Variants in MGAT4C observed in about 807,000 individuals in gnomAD.
MGAT4C encodes the protein MGAT4 family member C.
A neutral mutation model predicts 40.1 loss-of-function variants in MGAT4C; 19 were observed. That is an observed-to-expected ratio of 0.47 (90% CI 0.33 to 0.70). The LOEUF (loss-of-function observed/expected upper bound fraction) is 0.70. MGAT4C is among the 30% of genes least tolerant of loss of function. MGAT4C has a pLI of 0.02. For synonymous variants in MGAT4C, 181 were observed against 187.1 expected, an observed-to-expected ratio of 0.97 and a Z score of 0.27; for missense variants, 491 against 563.2, an observed-to-expected ratio of 0.87 and a Z score of 1.30.
At position 86,358,826 on chromosome 12, in the gene MGAT4C, G is replaced by A. The variant is rs183036486; in HGVS notation, c.-119-24699C>T. On this transcript the variant is annotated intron_variant, in intron 3 of 7. Coordinates refer to the MGAT4C transcript ENST00000548651. ...ATACAGGAGCACCCAGATTCATAAA[G>A]CAAGTCCTTAGAGACCTACAAAGAG... 6.6e-4 allele frequency among the ~76,000 whole-genome samples: 100 copies of A among 152,248 alleles called. 2 individuals are homozygous for A. The East Asian group carries it at 0.017, about 26-fold the overall frequency.
At chr12:86,380,783 G>C (rs1330060348) in intron 3 of MGAT4C, among the ~76,000 whole-genome samples, 1 of 152,056 alleles carries the variant, frequency 6.6e-6, no homozygotes, top group Admixed American at 6.6e-5. Flanking sequence ...CAAGGAGATT[G>C]GCTAACAATC....
At chr12:86,039,366 T>C (rs1891579163) in intron 2 of MGAT4C, among the ~76,000 whole-genome samples, 1 of 152,222 alleles carries the variant, frequency 6.6e-6, no homozygotes, top group Non-Finnish European at 1.5e-5. Context: ...CTATCAAATG[T>C]AGATTTGGTC....
intron 1 of MGAT4C, among the ~76,000 whole-genome samples, chr12:86,144,736 CTTTA>C (rs1469986198): frequency 6.6e-6 from 1 of 152,074 alleles, no homozygotes; most frequent in Non-Finnish European, 1.5e-5. Context: ...TTACAAGAGA[CTTTA>C]TGTTTTAATT....
chr12:86,445,335 G>C (rs1957314462), intron 2 of MGAT4C, among the ~76,000 whole-genome samples: 1 of 152,110 alleles, frequency 6.6e-6, no homozygotes, highest in Non-Finnish European at 1.5e-5. Context: ...TACCATGTAA[G>C]AGAATATTCC....
chr12:86,514,802 G>GA (rs1439990974), intron 2 of MGAT4C, among the ~76,000 whole-genome samples: 1 of 152,078 alleles, frequency 6.6e-6, no homozygotes, highest in Non-Finnish European at 1.5e-5. Flanking sequence ...GAACATTGTT[G>GA]GAGATCCATT....
chr12:86,562,432 TGAG>T (rs1235299705), intron 2 of MGAT4C, among the ~76,000 whole-genome samples: 1 of 152,120 alleles, frequency 6.6e-6, no homozygotes. Flanking sequence ...TCCTAAATTC[TGAG>T]GAGGCTTTTT....
intron 3 of MGAT4C, among the ~76,000 whole-genome samples, chr12:86,362,238 C>A (rs75118306): frequency 6.6e-6 from 1 of 152,040 alleles, no homozygotes; most frequent in Non-Finnish European, 1.5e-5. Context: ...ATCGCAAGGA[C>A]GGAAAACCAA....
chr12:86,345,611 T>C (rs1417551308), intron 3 of MGAT4C, among the ~76,000 whole-genome samples: 2 of 152,226 alleles, frequency 1.3e-5, no homozygotes, highest in Non-Finnish European at 2.9e-5. Flanking sequence ...GAACTCATCA[T>C]TTTTTATGGC....
At chr12:86,691,625 T>C (rs1337633822) in intron 2 of MGAT4C, among the ~76,000 whole-genome samples, 1 of 45,586 alleles carries the variant, frequency 2.2e-5, no homozygotes, top group Non-Finnish European at 7.8e-5. Flanking sequence ...ATACTAGCCA[T>C]CACCAGATGC....
intron 1 of MGAT4C, among the ~76,000 whole-genome samples, chr12:86,160,459 G>A (rs1885470116): frequency 6.6e-6 from 1 of 151,944 alleles, no homozygotes; most frequent in Admixed American, 6.6e-5. Context: ...ATTTCAATTT[G>A]CTTTGAATGT....
At position 85,979,497 on chromosome 12, in the gene MGAT4C, G is replaced by T. The variant is rs747076027; in HGVS notation, c.1229C>A (p.Ala410Asp). ...CATAACGTTTTCCCCAACATCTAGGGCTCCATGATGCAAAATATCATTTTG... is the reference window on the plus strand; with the variant it reads ...CATAACGTTTTCCCCAACATCTAGGTCTCCATGATGCAAAATATCATTTTG... ...DRQNDILHHG[A>D]LDVGENVMPS... is the part of the protein sequence containing the mutation. Residue 410 changes from alanine to aspartate, a missense_variant, in exon 5 of 5, where the codon GCC becomes GAC. Transcript: ENST00000611864. The T allele has an allele frequency of 1.7e-5, 28 of 1,612,490 alleles. No homozygotes were observed. The highest frequency in any genetic ancestry group is 2.2e-5 in the Non-Finnish European group (26 of 1,179,058).
At chr12:86,229,665 G>T (rs1331883857) in intron 1 of MGAT4C, among the ~76,000 whole-genome samples, 1 of 151,902 alleles carries the variant, frequency 6.6e-6, no homozygotes, top group East Asian at 1.9e-4. Context: ...TCTAGTAATG[G>T]TATAAGGAAG....
At chr12:86,246,179 C>CTTTTTTT (rs57004605) in intron 1 of MGAT4C, among the ~76,000 whole-genome samples, 20 of 70,134 alleles carry the variant, frequency 2.9e-4, no homozygotes, top group Admixed American at 4.5e-4. Flanking sequence ...TGTACCATTG[C>CTTTTTTT]TTTTTTTTTT....
intron 1 of MGAT4C, among the ~76,000 whole-genome samples, chr12:86,828,582 C>A (rs1020574525): frequency 6.6e-6 from 1 of 151,454 alleles, no homozygotes; most frequent in African/African-American, 2.4e-5. Flanking sequence ...CATCTTCACT[C>A]TTTGAGAGTG....
chr12:86,171,624 G>T (rs1326999634), intron 1 of MGAT4C, among the ~76,000 whole-genome samples: 1 of 152,096 alleles, frequency 6.6e-6, no homozygotes, highest in Non-Finnish European at 1.5e-5. Context: ...TGATATTGCA[G>T]CGGGGTTTAA....
In MGAT4C at chr12:86,143,918, G is replaced by A. The variant is rs370237256; in HGVS notation, c.-56-94195C>T. On this transcript the variant is annotated intron_variant, in intron 1 of 4. Transcript: ENST00000611864. The stretch of plus-strand genomic sequence containing the variant: ...ACATAGGCTAGTAAGTGATTTAGGT[G>A]CCTCACTTTTATGGCATTCTTTTCC... 1.6e-3 allele frequency among the ~76,000 whole-genome samples: 244 copies of A among 152,326 alleles called. 1 individual carries two copies. Among genetic ancestry groups the A allele is most frequent in the African/African-American group, 5.7e-3 (237 of 41,574 alleles).
chr12:86,308,076 GTTGTATTAT>G (rs1261054695), intron 4 of MGAT4C, among the ~76,000 whole-genome samples: 1 of 148,632 alleles, frequency 6.7e-6, no homozygotes, highest in Non-Finnish European at 1.5e-5. Flanking sequence ...TTTGTGTTAT[GTTGTATTAT>G]TTGTATTATT....
At chr12:86,709,515 AT>A (rs1017359421) in intron 2 of MGAT4C, among the ~76,000 whole-genome samples, 3 of 151,750 alleles carry the variant, frequency 2.0e-5, no homozygotes, top group African/African-American at 2.4e-5. Context: ...CCTAAGAAAC[AT>A]TTTTTTTACT....
chr12:86,644,602 A>T (rs1301762219), intron 2 of MGAT4C, among the ~76,000 whole-genome samples: 1 of 151,736 alleles, frequency 6.6e-6, no homozygotes, highest in Admixed American at 6.6e-5. Context: ...CAACGAGCCA[A>T]ATGCAAAATG....
Sources: allele counts gnomAD v4.1 joint callset (sites outside exome capture counted in the v4.1 genomes callset), GRCh38; gene constraint gnomAD v4.1.1; transcripts MANE v1.5; gene names NCBI Gene and HGNC (gene_info 2026-07-23, HGNC 2026-07-21).